The following GADL1 variants were observed in gnomAD, a reference collection of about 807,000 sequenced individuals.
GADL1 encodes GAD like acidic amino acid decarboxylase 1, also known as acidic amino acid decarboxylase GADL1.
A neutral mutation model predicts 69.5 loss-of-function variants in GADL1; 71 were observed. The ratio of observed to expected loss-of-function variants is 1.02; its 90% CI spans 0.84 to 1.25. GADL1 has a LOEUF of 1.25. GADL1 is among the 50% of genes most tolerant of loss of function. The probability of loss-of-function intolerance (pLI) is 0.00; values close to 1 mark genes in which losing one functional copy is unlikely to be tolerated. For synonymous variants in GADL1, 254 were observed against 214.4 expected (o/e 1.18, Z -1.62); for missense variants, 737 against 631.8 (o/e 1.17, Z -1.79).
Position 30,854,738 on chromosome 3 carries a change from A to G in GADL1, c.389T>C (p.Leu130Ser). Residue 130 changes from leucine to serine, a missense_variant, in exon 4 of 15, where the codon TTG (leucine) becomes TCG (serine). Leu to Ser is a moderately radical substitution (Grantham distance 145). Coordinates refer to ENST00000282538, the MANE Select transcript of GADL1 (RefSeq NM_207359.3). ...QLYAGLDYYS[L>S]VARFMTEALN... ...TGCTTCGGTCATAAATCGGGCCACC[A>G]AGGAGTAATAATCAAGTCCAGCATA... 1 of 1,550,162 alleles carries G rather than the reference A, an allele frequency of 6.5e-7. No homozygotes were observed. The highest frequency in any genetic ancestry group is 1.4e-5 in the African/African-American group (1 of 73,088).
rs149545364 is a variant in GADL1 at position 30,836,584 on chromosome 3, T to C, written c.904-2303A>G. On this transcript the variant is annotated intron_variant, in intron 9 of 14. Coordinates refer to ENST00000282538, the MANE Select transcript of GADL1 (RefSeq NM_207359.3). The stretch of plus-strand genomic sequence containing the variant: ...TGAGGCACCACAGTATATCATTTTA[T>C]ATATATTTGTCTTTAATTAGTTAAT... 1.6e-4 allele frequency among the ~76,000 whole-genome samples: 24 copies of C among 151,766 alleles called. No individual in the cohort carries two copies. In the East Asian group the frequency reaches 4.6e-3, roughly 29 times the overall value.
In GADL1 at chr3:30,810,672, T is replaced by C. The variant is rs1041375037; in HGVS notation, c.1051-9584A>G. 1.3e-5 allele frequency among the ~76,000 whole-genome samples: 2 copies of C among 152,240 alleles called. 1 individual carries two copies. ...AGAAGGGCAGGAAAGGGCATGTTTG[T>C]GCAGTGGGCAATACTCCCCAGGTCC... On this transcript the variant is annotated intron_variant, in intron 11 of 14. Transcript: ENST00000282538.
chr3:30,757,521 C>T lies in GADL1; in HGVS notation c.1392+20658G>A, dbSNP rs115525444. The stretch of plus-strand genomic sequence containing the variant: ...TCACAGAACTCTGGCTGTGTACAGC[C>T]TTAAAGCTAATGTAATGCTATTAGT... On this transcript the variant is annotated intron_variant, in intron 14 of 14. Coordinates refer to ENST00000282538, the MANE Select transcript of GADL1 (RefSeq NM_207359.3). 3.8e-3 allele frequency among the ~76,000 whole-genome samples: 580 copies of T among 152,292 alleles called. 6 individuals carry two copies. The highest frequency in any genetic ancestry group is 0.013 in the African/African-American group (548 of 41,564).
At chr3:30,789,433 G>A (rs940465825) in intron 12 of GADL1, among the ~76,000 whole-genome samples, 5 of 152,162 alleles carry the variant, frequency 3.3e-5, no homozygotes, top group African/African-American at 4.8e-5. Flanking sequence ...TAAGTTTAGC[G>A]TAAATCTGAA....
chr3:30,824,484 AAAGATAT>A (rs1697649952), intron 11 of GADL1, among the ~76,000 whole-genome samples: 1 of 141,638 alleles, frequency 7.1e-6, no homozygotes, highest in Admixed American at 7.4e-5. Flanking sequence ...GATAAGAAGT[AAAGATAT>A]GTGCACAAAA....
intron 14 of GADL1, among the ~76,000 whole-genome samples, chr3:30,771,895 G>A (rs1258812125): frequency 7.4e-6 from 1 of 135,870 alleles, no homozygotes; most frequent in South Asian, 2.3e-4. Context: ...ATTTCTAGCC[G>A]CTCCTAAGTC....
chr3:30,756,478 C>T (rs1695973126), intron 14 of GADL1, among the ~76,000 whole-genome samples: 1 of 152,148 alleles, frequency 6.6e-6, no homozygotes, highest in South Asian at 2.1e-4. Context: ...TGCACTGTGC[C>T]TTTGAAGTTC....
At chr3:30,877,892 T>C (rs1241570397) in intron 1 of GADL1, among the ~76,000 whole-genome samples, 2 of 151,938 alleles carry the variant, frequency 1.3e-5, no homozygotes, top group African/African-American at 4.8e-5. Context: ...ATCAAGTAAT[T>C]TAGATAGTTG....
intron 9 of GADL1, among the ~76,000 whole-genome samples, chr3:30,836,772 T>C (rs994176184): frequency 3.9e-5 from 6 of 152,046 alleles, no homozygotes; most frequent in African/African-American, 1.4e-4. Flanking sequence ...AATGAGAGGC[T>C]TTCCAGCAGC....
chr3:30,742,670 G>A (rs904625069), intron 14 of GADL1, among the ~76,000 whole-genome samples: 11 of 152,000 alleles, frequency 7.2e-5, no homozygotes, highest in East Asian at 3.9e-4. Flanking sequence ...CAAGCCAGAC[G>A]TTCCTAATTT....
intron 12 of GADL1, among the ~76,000 whole-genome samples, chr3:30,786,862 T>C (rs1696802060): frequency 6.6e-6 from 1 of 152,204 alleles, no homozygotes; most frequent in South Asian, 2.1e-4. Context: ...ACATAATCTT[T>C]TCTAAGTCCA....
intron 1 of GADL1, among the ~76,000 whole-genome samples, chr3:30,892,881 A>C (rs188901941): frequency 7.2e-4 from 110 of 152,296 alleles, no homozygotes; most frequent in African/African-American, 2.5e-3. Context: ...TTTGAGACAG[A>C]GTCTTGCTCT....
At chr3:30,832,351 AAAC>A (rs1238486981) in intron 11 of GADL1, among the ~76,000 whole-genome samples, 1 of 151,920 alleles carries the variant, frequency 6.6e-6, no homozygotes, top group African/African-American at 2.4e-5. Flanking sequence ...AAAAAAAAAA[AAAC>A]CCTGTTAAGG....
intron 11 of GADL1, among the ~76,000 whole-genome samples, chr3:30,805,845 T>C (rs1363601088): frequency 2.7e-5 from 4 of 148,496 alleles, no homozygotes; most frequent in African/African-American, 9.9e-5. Flanking sequence ...GAAGAAACAG[T>C]TCTACCTCAA....
intron 6 of GADL1, among the ~76,000 whole-genome samples, chr3:30,845,761 G>A (rs982757766): frequency 1.1e-4 from 16 of 152,198 alleles, no homozygotes; most frequent in South Asian, 4.2e-4. Context: ...GCTGGCTGGC[G>A]GTAACCTGCC....
intron 14 of GADL1, 77 bp from the exon 15 acceptor site, chr3:30,728,492 G>T: frequency 8.4e-7 from 1 of 1,186,632 alleles, no homozygotes; most frequent in Non-Finnish European, 1.2e-6. Context: ...ACCAGCCATT[G>T]GACATTTACT....
intron 1 of GADL1, among the ~76,000 whole-genome samples, chr3:30,874,568 A>T (rs1417528625): frequency 2.0e-5 from 3 of 151,948 alleles, no homozygotes; most frequent in African/African-American, 4.8e-5. Context: ...GAGAGAACCA[A>T]GGTTTGATGA....
At chr3:30,808,229 C>A (rs1478536878) in intron 11 of GADL1, among the ~76,000 whole-genome samples, 1 of 151,854 alleles carries the variant, frequency 6.6e-6, no homozygotes, top group Non-Finnish European at 1.5e-5. Context: ...GGCCCAGTGG[C>A]CTACGCCTGT....
chr3:30,733,139 T>C (rs1695488639), intron 14 of GADL1, among the ~76,000 whole-genome samples: 1 of 152,116 alleles, frequency 6.6e-6, no homozygotes, highest in Non-Finnish European at 1.5e-5. Context: ...TTTAGTAAAA[T>C]ACAATAAAAA....
Sources: allele counts gnomAD v4.1 joint callset (sites outside exome capture counted in the v4.1 genomes callset), GRCh38; gene constraint gnomAD v4.1.1; transcripts MANE v1.5; gene names NCBI Gene and HGNC (gene_info 2026-07-23, HGNC 2026-07-21).